The following CNTN5 variants were observed in gnomAD, a reference collection of about 807,000 sequenced individuals.
CNTN5 encodes the protein contactin 5, also known as contactin-5.
A neutral mutation model predicts 129.1 loss-of-function variants in CNTN5; 77 were observed. The observed-to-expected ratio is 0.60, with a 90% CI of 0.50 to 0.72. CNTN5 has a LOEUF of 0.72. CNTN5 is among the 30% of genes least tolerant of loss of function. CNTN5 has a pLI of 0.00. For missense variants in CNTN5, 1,478 were observed against 1,328.8 expected (o/e 1.11, Z -1.75); for synonymous variants, 509 against 465.6 (o/e 1.09, Z -1.20).
intron 15 of CNTN5, among the ~76,000 whole-genome samples, chr11:100,198,415 GAC>G (rs10603849): frequency 0.38 from 56,457 of 150,266 alleles, 11,042 homozygotes; most frequent in African/African-American, 0.48. Flanking sequence ...TGTCTGTCTA[GAC>G]ACACACACAC....
rs1383321899 is a variant in CNTN5, at chr11:99,232,183, GAAGAATGTCAATGGTCGTTT to G, written c.-209-93160_-209-93141del. 4.9e-4 allele frequency among the ~76,000 whole-genome samples: 74 copies of G among 152,212 alleles called. 1 individual carries two copies. The highest frequency in any genetic ancestry group is 1.8e-3 in the African/African-American group (74 of 41,544). On this transcript the variant is annotated intron_variant, in intron 1 of 24. Coordinates refer to ENST00000524871, the MANE Select transcript of CNTN5 (RefSeq NM_014361.4). ...TAAAATAGTTTTTCTCTAATTTGGG[GAAGAATGTCAATGGTCGTTT>G]AATGGGAATCGCACTGAATCTATAA... is the stretch of plus-strand genomic sequence containing the variant.
intron 9 of CNTN5, among the ~76,000 whole-genome samples, chr11:100,022,493 C>T (rs1941213772): frequency 6.6e-6 from 1 of 152,102 alleles, no homozygotes; most frequent in African/African-American, 2.4e-5. Context: ...TATTACTTCT[C>T]CACATATTAT....
chr11:99,484,814 A>G (rs2135326705), intron 2 of CNTN5, among the ~76,000 whole-genome samples: 1 of 152,310 alleles, frequency 6.6e-6, no homozygotes, highest in East Asian at 1.9e-4. Flanking sequence ...TCTCATTCAC[A>G]TTCATATGTG....
At chr11:99,306,132 A>T (rs141514327) in intron 1 of CNTN5, among the ~76,000 whole-genome samples, 4 of 152,348 alleles carry the variant, frequency 2.6e-5, no homozygotes, top group Admixed American at 1.3e-4. Flanking sequence ...ATGTAACTTA[A>T]GTAATATAGT....
rs1325716450 is a variant in CNTN5, at chr11:99,279,296, G to T, written c.-209-46050G>T. Among the ~76,000 whole-genome samples the T allele has an allele frequency of 2.6e-5, 4 of 151,794 alleles. 1 individual carries two copies. In the South Asian group the frequency reaches 8.3e-4, roughly 31 times the overall value. ...TGTCTCAACTAGTGAACCTCAGTTT[G>T]CTGGTTGGCTAAGACACTTTCTTTT... On this transcript the variant is annotated intron_variant, in intron 1 of 24. Transcript: ENST00000524871.
chr11:99,265,099 T>G (rs1395970588), intron 1 of CNTN5, among the ~76,000 whole-genome samples: 1 of 151,914 alleles, frequency 6.6e-6, no homozygotes, highest in Non-Finnish European at 1.5e-5. Context: ...ATTATTAGAA[T>G]GATACACTAA....
At chr11:99,721,835 A>G (rs1174457345) in intron 3 of CNTN5, among the ~76,000 whole-genome samples, 1 of 152,120 alleles carries the variant, frequency 6.6e-6, no homozygotes, top group African/African-American at 2.4e-5. Flanking sequence ...AACATGAACA[A>G]ACACTTCTCA....
At chr11:100,124,368 T>A (rs1237851164) in intron 13 of CNTN5, among the ~76,000 whole-genome samples, 1 of 151,998 alleles carries the variant, frequency 6.6e-6, no homozygotes, top group Non-Finnish European at 1.5e-5. Flanking sequence ...TTACATAAAC[T>A]ATACATAAGG....
chr11:99,786,493 G>GA (rs556345648), intron 3 of CNTN5, among the ~76,000 whole-genome samples: 24 of 152,026 alleles, frequency 1.6e-4, no homozygotes, highest in Middle Eastern at 3.4e-3. Flanking sequence ...CACAGAATTA[G>GA]AAAAAAACTA....
chr11:99,134,449 G>C (rs993192189), intron 1 of CNTN5, among the ~76,000 whole-genome samples: 1 of 152,100 alleles, frequency 6.6e-6, no homozygotes, highest in East Asian at 1.9e-4. Context: ...ACCATTTTGA[G>C]ATATCATTTA....
At chr11:99,607,415 GT>G (rs1279970713) in intron 3 of CNTN5, among the ~76,000 whole-genome samples, 1 of 146,206 alleles carries the variant, frequency 6.8e-6, no homozygotes, top group Non-Finnish European at 1.5e-5. Flanking sequence ...TCTCACACCA[GT>G]TAGAATGGCA....
At chr11:99,353,468 A>G (rs978338873) in intron 2 of CNTN5, among the ~76,000 whole-genome samples, 1 of 152,182 alleles carries the variant, frequency 6.6e-6, no homozygotes, top group African/African-American at 2.4e-5. Flanking sequence ...GTCCTGGCCT[A>G]TCCATATGTT....
chr11:99,257,934 T>G (rs1326589971), intron 1 of CNTN5, among the ~76,000 whole-genome samples: 2 of 152,052 alleles, frequency 1.3e-5, no homozygotes. Context: ...TATTTTACGC[T>G]TAAGAGACAA....
intron 3 of CNTN5, among the ~76,000 whole-genome samples, chr11:99,647,521 T>C (rs1313104703): frequency 6.6e-6 from 1 of 152,022 alleles, no homozygotes; most frequent in East Asian, 1.9e-4. Context: ...TCACTATTAA[T>C]GATCTTTTGT....
At chr11:99,739,237 C>T (rs1024778882) in intron 3 of CNTN5, among the ~76,000 whole-genome samples, 7 of 151,938 alleles carry the variant, frequency 4.6e-5, no homozygotes, top group African/African-American at 1.4e-4. Flanking sequence ...ACTAAAATAA[C>T]CTAAAGCTCA....
At chr11:99,621,417 AT>A (rs1368682813) in intron 3 of CNTN5, among the ~76,000 whole-genome samples, 2 of 152,302 alleles carry the variant, frequency 1.3e-5, no homozygotes, top group South Asian at 4.1e-4. Flanking sequence ...AAAAAAGGAT[AT>A]TTTTTCATAT....
intron 1 of CNTN5, among the ~76,000 whole-genome samples, chr11:99,259,279 A>G (rs1748123809): frequency 6.6e-6 from 1 of 151,588 alleles, no homozygotes; most frequent in Admixed American, 6.6e-5. Context: ...ATAATCTAGT[A>G]TTTTTCCTCT....
At chr11:99,545,749 C>T (rs546630896) in intron 2 of CNTN5, among the ~76,000 whole-genome samples, 2 of 152,266 alleles carry the variant, frequency 1.3e-5, no homozygotes, top group Non-Finnish European at 1.5e-5. Flanking sequence ...AGTCGACTTA[C>T]TTGTTCATGC....
intron 2 of CNTN5, among the ~76,000 whole-genome samples, chr11:99,497,258 C>T (rs1045363596): frequency 3.9e-5 from 6 of 152,066 alleles, no homozygotes; most frequent in Non-Finnish European, 8.8e-5. Flanking sequence ...TTAGTAAACC[C>T]GTATGTTTCT....
Sources: allele counts gnomAD v4.1 joint callset (sites outside exome capture counted in the v4.1 genomes callset), GRCh38; gene constraint gnomAD v4.1.1; transcripts MANE v1.5; gene names NCBI Gene and HGNC (gene_info 2026-07-23, HGNC 2026-07-21).